SCN1A: variants seen among roughly 807,000 people sequenced by gnomAD.
SCN1A encodes the protein sodium channel protein type 1 subunit alpha.
In SCN1A, 13 loss-of-function variants were observed where a neutral mutation model predicts 193.7. The observed-to-expected ratio is 0.07, with a 90% CI of 0.04 to 0.11. The LOEUF (loss-of-function observed/expected upper bound fraction) is 0.11, where lower values mean the gene tolerates loss of function less well. Among genes scored for constraint, SCN1A ranks in the 10% least tolerant of loss-of-function variants. The probability of loss-of-function intolerance (pLI) is 1.00; values close to 1 mark genes in which losing one functional copy is unlikely to be tolerated. For synonymous variants in SCN1A, 781 were observed against 843.6 expected, an observed-to-expected ratio of 0.93 and a Z score of 1.29; for missense variants, 1,432 against 2,451.1, an observed-to-expected ratio of 0.58 and a Z score of 8.78.
At chr2:166,012,325 T>C in intron 21 of SCN1A, 43 bp from the exon 22 acceptor site, 3 of 1,454,622 alleles carry the variant, frequency 2.1e-6, no homozygotes, top group Non-Finnish European at 2.9e-6. Context: ...CAAAAATAAT[T>C]ATACTCCATA....
intron 26 of SCN1A, chr2:165,996,386 A>C (rs1444553709): frequency 3.3e-6 from 1 of 299,846 alleles, no homozygotes; most frequent in Non-Finnish European, 6.3e-6. Context: ...TTTACCCAAG[A>C]CCTTATGCTT....
At chr2:166,064,006 AT>A (rs2105939662) in intron 4 of SCN1A, among the ~76,000 whole-genome samples, 1 of 152,228 alleles carries the variant, frequency 6.6e-6, no homozygotes, top group South Asian at 2.1e-4. Flanking sequence ...TGTAAAAATC[AT>A]TTCTGGTTTT....
chr2:166,078,942 A>C (rs1428275656), intron 2 of SCN1A, among the ~76,000 whole-genome samples: 1 of 151,624 alleles, frequency 6.6e-6, no homozygotes, highest in Non-Finnish European at 1.5e-5. Flanking sequence ...ATTTATGTTT[A>C]GTTTTATTAC....
chr2:166,017,979 T>G (rs1265953225), intron 19 of SCN1A, among the ~76,000 whole-genome samples: 1 of 152,032 alleles, frequency 6.6e-6, no homozygotes, highest in African/African-American at 2.4e-5. Flanking sequence ...GCTCAGTAAT[T>G]AATCTTCATG....
At chr2:166,067,472 T>C (rs1054057148) in intron 4 of SCN1A, among the ~76,000 whole-genome samples, 2 of 78,992 alleles carry the variant, frequency 2.5e-5, no homozygotes, top group Non-Finnish European at 4.8e-5. Flanking sequence ...CTGACTTCTC[T>C]TTTTTTTTTT....
intron 1 of SCN1A, among the ~76,000 whole-genome samples, chr2:166,138,762 C>T (rs1243356372): frequency 2.0e-5 from 3 of 152,112 alleles, no homozygotes; most frequent in African/African-American, 7.2e-5. Context: ...AGAGGGTCAC[C>T]ATCCTCCAGA....
intron 19 of SCN1A, chr2:166,027,037 T>C (rs1397342067): frequency 2.0e-5 from 3 of 152,362 alleles, no homozygotes; most frequent in East Asian, 3.9e-4. Flanking sequence ...TTTAAGAATA[T>C]GTATATTTTC....
Position 165,992,531 on chromosome 2 carries a change from T to TGATA in SCN1A, c.4853-110_4853-109insTATC. 16 of 986,134 alleles carry TGATA rather than the reference T, an allele frequency of 1.6e-5. No homozygotes were observed. The Admixed American group carries it at 3.3e-4, about 20-fold the overall frequency. The allele number at this position is 986,134 out of a possible 1,614,324, so 61.1% of individuals were successfully genotyped here. ...AGGTTCAGAGTCCTGAACCCAGTTA[T>TGATA]ATTAAATATGACAACTATATATAAT... is the stretch of plus-strand genomic sequence containing the variant. On this transcript the variant is annotated intron_variant, in intron 28 of 28. Coordinates refer to ENST00000674923, the MANE Select transcript of SCN1A (RefSeq NM_001165963.4). This position sits in a 1 kb window ranked among gnomAD's most constrained non-coding sequence, Gnocchi z 6.5.
At position 165,989,057 on chromosome 2, in the gene SCN1A, TGTGTGTGTGTGC is replaced by T. The variant is rs760954202; in HGVS notation, c.*2176_*2187del. ...GTGTGTGTGTGTGTGTGTGTGTGTG[TGTGTGTGTGTGC>T]GCGCGCGCTCCCCTTCTCCCCCAAT... On this transcript the variant is annotated 3_prime_UTR_variant, in exon 29 of 29. Transcript: ENST00000674923. 271 of 68,108 alleles carry T rather than the reference TGTGTGTGTGTGC, an allele frequency of 4.0e-3. 2 individuals are homozygous for T. Among genetic ancestry groups the T allele is most frequent in the Middle Eastern group, 0.027 (4 of 146 alleles). The allele number at this position is 68,108 out of a possible 1,614,324, so 4.2% of individuals were successfully genotyped here.
rs1684677001 is a variant in SCN1A, at chr2:166,073,446, T to C, written c.176A>G (p.Lys59Arg). The C allele has an allele frequency of 6.2e-7, 1 of 1,614,086 alleles. No individual in the cohort carries two copies. Among genetic ancestry groups the C allele is most frequent in the South Asian group, 1.1e-5 (1 of 91,094 alleles). The change falls in exon 4 of 29, where the codon AAG (lysine) becomes AGG (arginine). Residue 59 changes from lysine to arginine, a missense_variant. Coordinates refer to ENST00000674923, the MANE Select transcript of SCN1A (RefSeq NM_001165963.4). ...PKPNSDLEAG[K>R]NLPFIYGDIP... ...GTCTCCATAAATAAATGGAAGGTTCTTTCCAGCTTCCAAGTCACTATTTGG... is the reference window on the plus strand; with the variant it reads ...GTCTCCATAAATAAATGGAAGGTTCCTTCCAGCTTCCAAGTCACTATTTGG...
chr2:166,103,068 G>GATATATATATATAT (rs58394206), intron 2 of SCN1A, among the ~76,000 whole-genome samples: 8 of 149,114 alleles, frequency 5.4e-5, no homozygotes, highest in East Asian at 3.9e-4. Context: ...AGATTTGGGA[G>GATATATATATATAT]ATATATATAT....
At chr2:166,034,195 C>A (rs529114515) in intron 19 of SCN1A, among the ~76,000 whole-genome samples, 1 of 152,164 alleles carries the variant, frequency 6.6e-6, no homozygotes, top group African/African-American at 2.4e-5. Context: ...CACTATATTT[C>A]TTTCCCTTCT....
At position 166,048,832 on chromosome 2, in the gene SCN1A, C is replaced by T; in HGVS notation, c.1028+54G>A. The T allele has an allele frequency of 3.6e-6, 4 of 1,105,788 alleles. No homozygotes were observed. The South Asian group carries it at 3.8e-5, about 10-fold the overall frequency. 68.5% of individuals were successfully genotyped at this position (1,105,788 alleles called of 1,614,324 possible). On this transcript the variant is annotated intron_variant, in intron 10 of 28. Coordinates refer to ENST00000674923, the MANE Select transcript of SCN1A (RefSeq NM_001165963.4). The stretch of plus-strand genomic sequence containing the variant: ...TCTATAAAAAGAGAGAAAAGATACA[C>T]ATATGTATGTGTACATACAAATATA...
intron 7 of SCN1A, among the ~76,000 whole-genome samples, chr2:166,054,272 CTG>C (rs1446400548): frequency 1.3e-5 from 2 of 151,844 alleles, no homozygotes; most frequent in Non-Finnish European, 2.9e-5. Context: ...GCCAATAGAA[CTG>C]TTTTGTGGCT....
intron 2 of SCN1A, among the ~76,000 whole-genome samples, chr2:166,101,164 G>GA (rs1176860161): frequency 2.7e-5 from 4 of 150,202 alleles, no homozygotes; most frequent in African/African-American, 9.8e-5. Context: ...ATACACTATG[G>GA]AATACTATGC....
intron 1 of SCN1A, among the ~76,000 whole-genome samples, chr2:166,146,104 A>G (rs1479132325): frequency 6.6e-6 from 1 of 152,208 alleles, no homozygotes; most frequent in Admixed American, 6.5e-5. Context: ...GTCACTTGAC[A>G]GAGTGGTTAG....
chr2:166,005,935 C>A lies in SCN1A; in HGVS notation c.4003-3182G>T, dbSNP rs1235585625. ...TCAGAAGCTTTTTTTTCAAAACAAT[C>A]ATCAAATAAAGTTTCTCTACTCTAG... On this transcript the variant is annotated intron_variant, in intron 23 of 28. Coordinates refer to ENST00000674923, the MANE Select transcript of SCN1A (RefSeq NM_001165963.4). Among the ~76,000 whole-genome samples, 4 of 151,176 alleles carry A rather than the reference C, an allele frequency of 2.6e-5. No individual in the cohort carries two copies. In the Admixed American group the frequency reaches 2.6e-4, roughly 10 times the overall value.
At chr2:166,132,610 A>C (rs763136233), upstream of SCN1A, among the ~76,000 whole-genome samples, 15 of 152,200 alleles carry the variant, frequency 9.9e-5, no homozygotes, top group African/African-American at 1.4e-4. Flanking sequence ...CAGAAACTGC[A>C]ATTAAGAACT....
intron 2 of SCN1A, among the ~76,000 whole-genome samples, chr2:166,094,960 C>A (rs6725349): frequency 0.022 from 3,354 of 152,280 alleles, 285 homozygotes; most frequent in Admixed American, 0.16. Context: ...AATTTGGCAA[C>A]ATCTATTTCA....
Sources: allele counts gnomAD v4.1 joint callset (sites outside exome capture counted in the v4.1 genomes callset), GRCh38; gene constraint gnomAD v4.1.1; non-coding constraint Gnocchi (gnomAD v3.1); transcripts MANE v1.5; gene names NCBI Gene and HGNC (gene_info 2026-07-23, HGNC 2026-07-21).